MYO7A: variants seen among roughly 807,000 people sequenced by gnomAD.
MYO7A encodes myosin VIIA.
MYO7A carries 210 observed loss-of-function variants against 263.8 expected under a neutral mutation model. The observed-to-expected ratio is 0.80, with a 90% CI of 0.71 to 0.89. MYO7A has a LOEUF of 0.89. Ranked by LOEUF, MYO7A falls within the 40% of genes least tolerant of loss-of-function variation. The pLI is 0.00. For missense variants in MYO7A, 2,820 were observed against 2,968.3 expected (o/e 0.95, Z 1.16); for synonymous variants, 1,239 against 1,197.3 (o/e 1.03, Z -0.72).
chr11:77,214,427 G>A (rs987000167), intron 48 of MYO7A, among the ~76,000 whole-genome samples, 180 bp from the exon 49 acceptor site: 1 of 152,204 alleles, frequency 6.6e-6, no homozygotes, highest in African/African-American at 2.4e-5. Context: ...TAGAACCTTA[G>A]CCATCTGGCT....
rs574994126 is a variant in MYO7A at position 77,207,496 on chromosome 11, G to C, written c.5856+94G>C. The stretch of plus-strand genomic sequence containing the variant: ...CGGAAGAGAGAGGAACTGGGGGAGA[G>C]AGGGGAAGAGGGCACTGGCATCTGG... On this transcript the variant is annotated intron_variant, in intron 42 of 48. Transcript: ENST00000409709. 5.2e-5 allele frequency: 48 copies of C among 918,348 alleles called. No individual in the cohort carries two copies. The East Asian group carries it at 1.2e-3, about 23-fold the overall frequency. 56.9% of individuals were successfully genotyped at this position (918,348 alleles called of 1,614,324 possible). A position where few individuals can be genotyped will look rare whatever the true frequency, so the allele number is the denominator to read the frequency against.
chr11:77,185,370 A>G (rs1955580475), intron 27 of MYO7A, among the ~76,000 whole-genome samples: 1 of 152,236 alleles, frequency 6.6e-6, no homozygotes, highest in African/African-American at 2.4e-5. Context: ...TGCTTTATCA[A>G]TTAAGTTGAT....
intron 44 of MYO7A, among the ~76,000 whole-genome samples, chr11:77,210,214 G>A (rs1230913027): frequency 6.6e-6 from 1 of 152,204 alleles, no homozygotes; most frequent in Non-Finnish European, 1.5e-5. Context: ...AAGTTCCATG[G>A]AAGTAGGGAG....
At chr11:77,164,259 C>G (rs1178874634) in intron 14 of MYO7A, among the ~76,000 whole-genome samples, 1 of 152,006 alleles carries the variant, frequency 6.6e-6, no homozygotes, top group Non-Finnish European at 1.5e-5. Context: ...CCCCACCCAC[C>G]CTGGTGTAAA....
chr11:77,150,213 C>A (rs1363715032), intron 4 of MYO7A, among the ~76,000 whole-genome samples: 2 of 152,206 alleles, frequency 1.3e-5, no homozygotes, highest in African/African-American at 4.8e-5. Flanking sequence ...GAAGTTTTCC[C>A]GCCGGGCCCC....
chr11:77,194,673 C>T (rs1238275416), intron 32 of MYO7A, 149 bp downstream of exon 32: 3 of 857,624 alleles, frequency 3.5e-6, no homozygotes, highest in African/African-American at 3.4e-5. Context: ...TCAGCTCACT[C>T]ATTCTCCTTC....
chr11:77,177,561 A>C lies in MYO7A; in HGVS notation c.2200A>C (p.Met734Leu). The change falls in exon 19 of 49, where the codon ATG becomes CTG. Residue 734 changes from methionine (M) to leucine (L), a missense_variant. Transcript: ENST00000409709. ...CTCTGCCTCCTAGGACCACCATGACATGCTGCTGGAAGTGGAGCGGGACAA... is the reference window on the plus strand; with the variant it reads ...CTCTGCCTCCTAGGACCACCATGACCTGCTGCTGGAAGTGGAGCGGGACAA... ...TKIFLKDHHD[M>L]LLEVERDKAI... 1 of 1,611,158 alleles carries C rather than the reference A, an allele frequency of 6.2e-7. No homozygotes were observed. The highest frequency in any genetic ancestry group is 2.2e-5 in the East Asian group (1 of 44,856).
chr11:77,192,884 A>AGGAGGTAGTGATGGTGTTGGTGATGGT (rs1956211949), intron 31 of MYO7A, among the ~76,000 whole-genome samples: 1 of 3,892 alleles, frequency 2.6e-4, no homozygotes, highest in South Asian at 5.0e-3. Context: ...GTGATGGTGG[A>AGGAGGTAGTGATGGTGTTGGTGATGGT]GGAGGTAGTG....
At chr11:77,145,537 C>T (rs1341399625) in intron 3 of MYO7A, among the ~76,000 whole-genome samples, 1 of 152,190 alleles carries the variant, frequency 6.6e-6, no homozygotes, top group Non-Finnish European at 1.5e-5. Flanking sequence ...GAGCCCTCTC[C>T]CCTCCTGTCC....
chr11:77,196,851 A>G (rs1956704664), intron 32 of MYO7A, among the ~76,000 whole-genome samples: 1 of 152,068 alleles, frequency 6.6e-6, no homozygotes, highest in Admixed American at 6.5e-5. Flanking sequence ...CTACCCCAGA[A>G]CCCCAGAGTT....
At position 77,160,261 on chromosome 11, in the gene MYO7A, CGT is replaced by C; in HGVS notation, c.1181_1182del (p.Val394AlafsTer48). 1 of 1,570,308 alleles carries C rather than the reference CGT, an allele frequency of 6.4e-7. No homozygotes were observed. The highest frequency in any genetic ancestry group is 1.2e-5 in the South Asian group (1 of 85,088). On this transcript the variant is annotated frameshift_variant, in exon 11 of 49. Transcript: ENST00000409709. LOFTEE classifies it high-confidence loss of function. Reference protein sequence around the residue: ...TPLSREQALDVRDAFVKGIYG... With the variant: ...TPLSREQALDXRDAFVKGIYG... ...CACTGAGCAGGGAACAGGCACTGGA[CGT>C]GCGCGACGCCTTCGTAAAGGTGGGC...
chr11:77,137,251 G>A (rs978321432), intron 2 of MYO7A, among the ~76,000 whole-genome samples: 2 of 152,198 alleles, frequency 1.3e-5, no homozygotes, highest in Non-Finnish European at 2.9e-5. Flanking sequence ...GGGTTCCCAA[G>A]GCTGGGACAG....
At chr11:77,205,907 G>T (rs1206420370) in intron 40 of MYO7A, among the ~76,000 whole-genome samples, 190 bp from the exon 41 acceptor site, 1 of 152,084 alleles carries the variant, frequency 6.6e-6, no homozygotes, top group Non-Finnish European at 1.5e-5. Context: ...CACTTTGCTG[G>T]GCCTCTCCAC....
intron 34 of MYO7A, 67 bp downstream of exon 34, chr11:77,198,688 G>A (rs531587042): frequency 1.9e-6 from 3 of 1,600,956 alleles, no homozygotes; most frequent in African/African-American, 1.3e-5. Flanking sequence ...CTTCCCTGCG[G>A]GTCACAGGAA....
chr11:77,192,963 TGATGGTGGAGGTAG>T (rs1445520050), intron 31 of MYO7A, among the ~76,000 whole-genome samples: 155 of 13,156 alleles, frequency 0.012, 9 homozygotes, highest in African/African-American at 0.041. Context: ...ATGGTGTTGG[TGATGGTGGAGGTAG>T]TTGTGATGGT....
intron 18 of MYO7A, among the ~76,000 whole-genome samples, chr11:77,177,211 A>C (rs1208306698): frequency 6.6e-6 from 1 of 152,206 alleles, no homozygotes; most frequent in Non-Finnish European, 1.5e-5. Context: ...TGAGGGACTG[A>C]TGTGACAGGG....
intron 12 of MYO7A, 33 bp downstream of exon 12, chr11:77,161,148 C>T (rs752220183): frequency 9.9e-6 from 16 of 1,611,088 alleles, no homozygotes; most frequent in Non-Finnish European, 1.4e-5. Context: ...TGGGAATTTC[C>T]TTCCCCAATA....
chr11:77,153,307 G>T (rs1215968683), intron 4 of MYO7A, among the ~76,000 whole-genome samples: 1 of 152,082 alleles, frequency 6.6e-6, no homozygotes, highest in Non-Finnish European at 1.5e-5. Context: ...GGGATGTGAT[G>T]GTGCTGTTGG....
Position 77,160,265 on chromosome 11 carries a change from C to T in MYO7A, c.1183C>T (p.Arg395Cys), listed in dbSNP as rs782279338. The part of the protein sequence containing the change: ...PLSREQALDV[R>C]DAFVKGIYGR... ...GAGCAGGGAACAGGCACTGGACGTG[C>T]GCGACGCCTTCGTAAAGGTGGGCTG... Residue 395 changes from arginine to cysteine, a missense_variant, in exon 11 of 49, where the codon CGC becomes TGC. Physicochemically the swap from Arg to Cys is radical, Grantham distance 180. Transcript: ENST00000409709. 1.1e-5 allele frequency: 18 copies of T among 1,568,648 alleles called. No individual in the cohort carries two copies. Among genetic ancestry groups the T allele is most frequent in the South Asian group, 4.7e-5 (4 of 84,970 alleles).
Sources: gnomAD v4.1 joint callset for allele counts (sites outside exome capture counted in the v4.1 genomes callset) on GRCh38, gnomAD v4.1.1 for gene constraint, MANE v1.5 for transcripts, NCBI Gene and HGNC (gene_info 2026-07-23, HGNC 2026-07-21) for gene names.